The following PDSS1 variants were observed in gnomAD, a reference collection of about 807,000 sequenced individuals.
The protein encoded by PDSS1 is all trans-polyprenyl-diphosphate synthase PDSS1.
PDSS1 carries 43 observed loss-of-function variants against 57.5 expected under a neutral mutation model. That is an observed-to-expected ratio of 0.75 (90% CI 0.59 to 0.96). PDSS1 has a LOEUF of 0.96. Ranked by LOEUF, PDSS1 falls within the 50% of genes least tolerant of loss-of-function variation. The pLI, the probability that PDSS1 is intolerant of heterozygous loss-of-function variation, is 0.00. For missense variants in PDSS1, 438 were observed against 527.8 expected, an observed-to-expected ratio of 0.83 and a Z score of 1.67; for synonymous variants, 175 against 191.3, an observed-to-expected ratio of 0.91 and a Z score of 0.70.
intron 8 of PDSS1, among the ~76,000 whole-genome samples, 159 bp from the exon 9 acceptor site, chr10:26,735,081 G>A (rs746979504): frequency 1.6e-4 from 25 of 152,114 alleles, no homozygotes; most frequent in Non-Finnish European, 2.8e-4. Flanking sequence ...CTGGAAATGC[G>A]GTTTTGTACA....
intron 8 of PDSS1, among the ~76,000 whole-genome samples, chr10:26,732,754 G>A (rs1208887731): frequency 6.6e-6 from 1 of 152,208 alleles, no homozygotes; most frequent in Non-Finnish European, 1.5e-5. Context: ...GGGATATTGT[G>A]AGGTTTAACT....
rs1834912215 is a variant in PDSS1, at chr10:26,697,796, G to A, written c.85G>A (p.Ala29Thr). ...CCCCGGGCCCGGCTCCCCCGGCCGT[G>A]CGGGACCGTTGGGGCCGAGCGCCGC... is the stretch of plus-strand genomic sequence containing the variant. ...RSPGPGSPGR[A>T]GPLGPSAAAE... Residue 29 changes from alanine (A) to threonine (T), a missense_variant, in exon 1 of 12, where the codon GCG (alanine) becomes ACG (threonine). This residue lies in a region of PDSS1 where 154 missense variants were observed against 137.0 expected (regional missense o/e 1.12). Coordinates refer to ENST00000376215, the MANE Select transcript of PDSS1 (RefSeq NM_014317.5). 7.4e-7 allele frequency: 1 copy of A among 1,342,828 alleles called. No individual in the cohort carries two copies. The highest frequency in any genetic ancestry group is 1.9e-5 in the South Asian group (1 of 52,374). 83.2% of individuals were successfully genotyped at this position (1,342,828 alleles called of 1,614,324 possible). A position where few individuals can be genotyped will look rare whatever the true frequency, so the allele number is the denominator to read the frequency against.
Position 26,720,069 on chromosome 10 carries a change from T to C in PDSS1, c.468-149T>C, listed in dbSNP as rs536789306. On this transcript the variant is annotated intron_variant, in intron 5 of 11. Coordinates refer to ENST00000376215, the MANE Select transcript of PDSS1 (RefSeq NM_014317.5). ...TCATACATTTGTAAATGTATAGAAA[T>C]GGCTGTGTGGTGAAGCCAGAGTTTT... 3.6e-4 allele frequency: 370 copies of C among 1,040,348 alleles called. 8 individuals carry two copies. In the South Asian group the frequency reaches 4.8e-3, roughly 14 times the overall value. 64.4% of individuals were successfully genotyped at this position (1,040,348 alleles called of 1,614,324 possible).
At chr10:26,730,664 A>T (rs1836157457) in intron 8 of PDSS1, among the ~76,000 whole-genome samples, 1 of 152,110 alleles carries the variant, frequency 6.6e-6, no homozygotes, top group Non-Finnish European at 1.5e-5. Flanking sequence ...CAAAAGTCAG[A>T]ACTATACAAT....
chr10:26,704,786 T>A (rs746507030), intron 3 of PDSS1, 45 bp downstream of exon 3: 30 of 1,049,074 alleles, frequency 2.9e-5, no homozygotes, highest in South Asian at 5.1e-5. Flanking sequence ...TATCCATTTT[T>A]AAATTTATTG....
intron 2 of PDSS1, among the ~76,000 whole-genome samples, chr10:26,703,461 A>G (rs1835107074): frequency 1.3e-5 from 2 of 152,114 alleles, no homozygotes; most frequent in South Asian, 2.1e-4. Context: ...AGTAACTATT[A>G]CTAGAGACCT....
chr10:26,698,099 G>T (rs1349887800), intron 1 of PDSS1, among the ~76,000 whole-genome samples: 2 of 152,166 alleles, frequency 1.3e-5, no homozygotes, highest in East Asian at 3.9e-4. Flanking sequence ...GCGTTTTGGG[G>T]GGTGGAGAAA....
intron 8 of PDSS1, 59 bp from the exon 9 acceptor site, chr10:26,735,181 G>T (rs769459722): frequency 3.4e-6 from 4 of 1,172,960 alleles, no homozygotes; most frequent in Non-Finnish European, 5.1e-6. Context: ...TCAGCCAGGG[G>T]TCAGCTGCTT....
At chr10:26,700,673 G>GT (rs1000414359) in intron 1 of PDSS1, among the ~76,000 whole-genome samples, 1 of 152,056 alleles carries the variant, frequency 6.6e-6, no homozygotes, top group African/African-American at 2.4e-5. Flanking sequence ...GAAGGTGCTT[G>GT]TTTCTCCTTC....
chr10:26,734,689 TGGACA>T (rs1224559687), intron 8 of PDSS1: 1 of 456,288 alleles, frequency 2.2e-6, no homozygotes, highest in East Asian at 6.9e-5. Context: ...ATGATTTTTA[TGGACA>T]CACCAAGAAA....
chr10:26,720,416 C>T (rs904971603), intron 6 of PDSS1, 57 bp downstream of exon 6: 55 of 1,126,636 alleles, frequency 4.9e-5, no homozygotes, highest in East Asian at 3.0e-4. Context: ...CTTTTCGGAC[C>T]GCATTTGTTT....
chr10:26,721,125 G>A (rs1357179464), intron 6 of PDSS1, among the ~76,000 whole-genome samples: 1 of 151,940 alleles, frequency 6.6e-6, no homozygotes, highest in East Asian at 1.9e-4. Flanking sequence ...GGCCAACAAG[G>A]CAAAACCCTG....
At chr10:26,718,439 C>T (rs1388204299) in intron 5 of PDSS1, among the ~76,000 whole-genome samples, 1 of 152,072 alleles carries the variant, frequency 6.6e-6, no homozygotes, top group Non-Finnish European at 1.5e-5. Context: ...GTGATCTAGA[C>T]ATATTAAGAA....
In PDSS1 at chr10:26,704,687, T is replaced by C. The variant is rs775614206; in HGVS notation, c.173T>C (p.Ile58Thr). ...KGLDLSQIPY[I>T]NLVKHLTSAC... The stretch of plus-strand genomic sequence containing the variant: ...ATTTTTATTTTATAGATACCCTATA[T>C]TAATCTTGTGAAGCATTTAACATCT... The change falls in exon 3 of 12, where the codon ATT (isoleucine) becomes ACT (threonine). Residue 58 changes from isoleucine to threonine, a missense_variant. Around this residue, in one of 2 missense-constraint regions of PDSS1, gnomAD observed 154 missense variants for 137.0 expected, o/e 1.12. Coordinates refer to ENST00000376215, the MANE Select transcript of PDSS1 (RefSeq NM_014317.5). The C allele has an allele frequency of 5.1e-6, 7 of 1,385,590 alleles. No homozygotes were observed. The allele number at this position is 1,385,590 out of a possible 1,614,324, so 85.8% of individuals were successfully genotyped here. A position where few individuals can be genotyped will look rare whatever the true frequency, so the allele number is the denominator to read the frequency against.
intron 5 of PDSS1, among the ~76,000 whole-genome samples, chr10:26,716,301 T>C (rs978941510): frequency 6.6e-6 from 1 of 152,242 alleles, no homozygotes; most frequent in Non-Finnish European, 1.5e-5. Context: ...AGGGAAAATA[T>C]ATTTTGTAAA....
At chr10:26,731,864 T>G (rs1008635569) in intron 8 of PDSS1, among the ~76,000 whole-genome samples, 7 of 152,232 alleles carry the variant, frequency 4.6e-5, no homozygotes, top group African/African-American at 1.4e-4. Context: ...CGATCTCGGC[T>G]CACTGCAACC....
At chr10:26,744,354 T>G (rs1442841651) in intron 11 of PDSS1, among the ~76,000 whole-genome samples, 1 of 151,624 alleles carries the variant, frequency 6.6e-6, no homozygotes, top group Non-Finnish European at 1.5e-5. Flanking sequence ...TGACTTCCCA[T>G]AAACACTATT....
intron 10 of PDSS1, among the ~76,000 whole-genome samples, chr10:26,741,178 A>G (rs1836589271): frequency 6.6e-6 from 1 of 152,114 alleles, no homozygotes; most frequent in Admixed American, 6.6e-5. Flanking sequence ...AACAGGATCT[A>G]GGCAACTGTA....
At chr10:26,740,873 G>A in intron 10 of PDSS1, 1 of 326,100 alleles carries the variant, frequency 3.1e-6, no homozygotes, top group African/African-American at 2.1e-5. Flanking sequence ...TTGGTGTCCT[G>A]GCTTTTGTAT....
Sources: gnomAD v4.1 joint callset for allele counts (sites outside exome capture counted in the v4.1 genomes callset) on GRCh38, gnomAD v4.1.1 for gene constraint, gnomAD v4.1.1 regional missense constraint, MANE v1.5 for transcripts, NCBI Gene and HGNC (gene_info 2026-07-23, HGNC 2026-07-21) for gene names.